KIF18A: variants seen among roughly 807,000 people sequenced by gnomAD.
The protein encoded by KIF18A is kinesin-like protein KIF18A.
KIF18A carries 67 observed loss-of-function variants against 103.3 expected under a neutral mutation model. That is an observed-to-expected ratio of 0.65 (90% CI 0.53 to 0.79). The LOEUF (loss-of-function observed/expected upper bound fraction) is 0.79. Among genes scored for constraint, KIF18A ranks in the 30% least tolerant of loss-of-function variants. KIF18A has a pLI of 0.00. For missense variants in KIF18A, 1,032 were observed against 1,062.5 expected, an observed-to-expected ratio of 0.97 and a Z score of 0.40; for synonymous variants, 367 against 355.5, an observed-to-expected ratio of 1.03 and a Z score of -0.36.
chr11:28,052,786 C>T (rs1244933105), intron 13 of KIF18A, among the ~76,000 whole-genome samples: 1 of 151,900 alleles, frequency 6.6e-6, no homozygotes, highest in Non-Finnish European at 1.5e-5. Context: ...GCCTGAAATA[C>T]TGCTGTAAGT....
intron 9 of KIF18A, among the ~76,000 whole-genome samples, chr11:28,077,955 T>C (rs986518555): frequency 9.2e-5 from 14 of 152,206 alleles, no homozygotes; most frequent in Non-Finnish European, 1.9e-4. Context: ...CCTGCAATCC[T>C]GTATCCTTCT....
intron 1 of KIF18A, among the ~76,000 whole-genome samples, chr11:28,101,332 T>C (rs1477376352): frequency 2.6e-5 from 4 of 152,222 alleles, no homozygotes; most frequent in Non-Finnish European, 5.9e-5. Flanking sequence ...AATGATAGAT[T>C]AAATATACAT....
At chr11:28,064,556 C>G (rs186309996) in intron 11 of KIF18A, among the ~76,000 whole-genome samples, 62 of 152,028 alleles carry the variant, frequency 4.1e-4, no homozygotes, top group Admixed American at 4.0e-3. Flanking sequence ...ACCTATGTAA[C>G]AAACCTACAT....
intron 13 of KIF18A, among the ~76,000 whole-genome samples, chr11:28,037,376 T>C (rs1332743254): frequency 1.3e-5 from 2 of 151,398 alleles, no homozygotes; most frequent in Non-Finnish European, 3.0e-5. Flanking sequence ...AACAAACAAA[T>C]AAACCAAAAC....
chr11:28,084,593 A>C, intron 7 of KIF18A, 39 bp downstream of exon 7: 1 of 1,461,824 alleles, frequency 6.8e-7, no homozygotes, highest in South Asian at 1.2e-5. Flanking sequence ...TCATATGCAG[A>C]CAATACCTTC....
intron 15 of KIF18A, among the ~76,000 whole-genome samples, chr11:28,033,110 T>C (rs193042561): frequency 2.0e-5 from 3 of 151,956 alleles, no homozygotes; most frequent in East Asian, 3.9e-4. Context: ...GAAAAGGTAC[T>C]CAACATCACT....
chr11:28,082,859 T>C lies in KIF18A; in HGVS notation c.1259A>G (p.Glu420Gly). The C allele has an allele frequency of 6.4e-7, 1 of 1,558,032 alleles. No individual in the cohort carries two copies. The highest frequency in any genetic ancestry group is 8.8e-7 in the Non-Finnish European group (1 of 1,139,744). The change falls in exon 9 of 17, where the codon GAA (glutamate) becomes GGA (glycine). Residue 420 changes from glutamate (E) to glycine (G), a missense_variant. Glu to Gly is a moderately conservative substitution (Grantham distance 98). Coordinates refer to ENST00000263181, the MANE Select transcript of KIF18A (RefSeq NM_031217.4). ...MISNPQEKEI[E>G]RFQEILNCLF... ...TAGATCTTAATGTAATGTTTACCTT[T>C]CGATTTCTTTTTCCTGAGGGTTTGA...
intron 15 of KIF18A, among the ~76,000 whole-genome samples, chr11:28,030,520 A>G (rs1364926418): frequency 2.0e-5 from 3 of 152,210 alleles, no homozygotes; most frequent in Non-Finnish European, 4.4e-5. Context: ...CACCTTATAC[A>G]AAAATTAATT....
chr11:28,032,691 A>G (rs973843511), intron 15 of KIF18A, among the ~76,000 whole-genome samples: 1 of 151,948 alleles, frequency 6.6e-6, no homozygotes, highest in Non-Finnish European at 1.5e-5. Flanking sequence ...CTAGATCCCT[A>G]TCTCTTGCAA....
intron 15 of KIF18A, 66 bp from the exon 16 acceptor site, chr11:28,023,916 T>C (rs1220849887): frequency 2.9e-6 from 2 of 694,080 alleles, no homozygotes; most frequent in Non-Finnish European, 4.9e-6. Flanking sequence ...TAATACATAT[T>C]GTACATGCGA....
chr11:28,069,804 T>C (rs1326502373), intron 10 of KIF18A, among the ~76,000 whole-genome samples: 1 of 152,090 alleles, frequency 6.6e-6, no homozygotes. Context: ...AGCAGATGCA[T>C]ATATTGCTCT....
intron 15 of KIF18A, among the ~76,000 whole-genome samples, chr11:28,028,248 C>T (rs1339384409): frequency 6.6e-6 from 1 of 152,116 alleles, no homozygotes; most frequent in Admixed American, 6.6e-5. Flanking sequence ...CCACACTGCA[C>T]TTATTCCAAA....
At chr11:28,041,674 C>A (rs113614724) in intron 13 of KIF18A, among the ~76,000 whole-genome samples, 1 of 151,464 alleles carries the variant, frequency 6.6e-6, no homozygotes, top group Non-Finnish European at 1.5e-5. Flanking sequence ...CAAGAATGGT[C>A]AAGAGAGAAA....
chr11:28,036,747 C>A, intron 13 of KIF18A, 83 bp from the exon 14 acceptor site: 8 of 757,380 alleles, frequency 1.1e-5, no homozygotes, highest in South Asian at 6.7e-5. Context: ...ACTAAGAAAC[C>A]CTAATAATAA....
At chr11:28,082,700 T>TATG (rs1851180160) in intron 9 of KIF18A, among the ~76,000 whole-genome samples, 156 bp downstream of exon 9, 1 of 151,938 alleles carries the variant, frequency 6.6e-6, no homozygotes, top group African/African-American at 2.4e-5. Flanking sequence ...GTCAAGCCTG[T>TATG]TATGTATGTA....
intron 2 of KIF18A, among the ~76,000 whole-genome samples, chr11:28,095,422 C>T (rs1201396073): frequency 6.6e-6 from 1 of 152,152 alleles, no homozygotes; most frequent in Non-Finnish European, 1.5e-5. Context: ...CCTCATTGTC[C>T]TAGGCAGACA....
chr11:28,103,269 T>A (rs1851467318), intron 1 of KIF18A, among the ~76,000 whole-genome samples: 1 of 151,922 alleles, frequency 6.6e-6, no homozygotes, highest in Non-Finnish European at 1.5e-5. Flanking sequence ...ATTAGAGTAT[T>A]TTGGATTTTC....
intron 10 of KIF18A, among the ~76,000 whole-genome samples, chr11:28,073,819 T>G (rs1192388434): frequency 6.6e-6 from 1 of 152,176 alleles, no homozygotes; most frequent in East Asian, 1.9e-4. Context: ...ACCTCCATTG[T>G]GTCAAGCACA....
chr11:28,088,432 T>G, intron 6 of KIF18A, 92 bp downstream of exon 6: 2 of 1,060,490 alleles, frequency 1.9e-6, no homozygotes, highest in Non-Finnish European at 2.8e-6. Flanking sequence ...GTGATATATA[T>G]CAGACCTTTA....
Sources: allele counts gnomAD v4.1 joint callset (sites outside exome capture counted in the v4.1 genomes callset), GRCh38; gene constraint gnomAD v4.1.1; transcripts MANE v1.5; gene names NCBI Gene and HGNC (gene_info 2026-07-23, HGNC 2026-07-21).